ZFYVE9: variants seen among roughly 807,000 people sequenced by gnomAD.
ZFYVE9 encodes the protein zinc finger FYVE domain-containing protein 9.
ZFYVE9 carries 43 observed loss-of-function variants against 126.7 expected under a neutral mutation model. The observed-to-expected ratio is 0.34, with a 90% CI of 0.27 to 0.44. The LOEUF (loss-of-function observed/expected upper bound fraction) is 0.44, where lower values mean the gene tolerates loss of function less well. Among genes scored for constraint, ZFYVE9 ranks in the 20% least tolerant of loss-of-function variants. The probability of loss-of-function intolerance (pLI) is 1.00; values close to 1 mark genes in which losing one functional copy is unlikely to be tolerated. For missense variants in ZFYVE9, 1,476 were observed against 1,697.0 expected, an observed-to-expected ratio of 0.87 and a Z score of 2.29; for synonymous variants, 521 against 597.4, an observed-to-expected ratio of 0.87 and a Z score of 1.87.
intron 1 of ZFYVE9, among the ~76,000 whole-genome samples, chr1:52,206,041 T>C (rs2124578115): frequency 6.6e-6 from 1 of 152,334 alleles, no homozygotes; most frequent in African/African-American, 2.4e-5. Context: ...TATCATACTA[T>C]TGGGATATAT....
At chr1:52,268,386 G>T in intron 6 of ZFYVE9, 77 bp from the exon 7 acceptor site, 2 of 1,463,142 alleles carry the variant, frequency 1.4e-6, no homozygotes, top group Non-Finnish European at 1.9e-6. Flanking sequence ...TCTGGAATTG[G>T]TGACCTTCTC....
rs1178407261 is a variant in ZFYVE9 at position 52,239,219 on chromosome 1, A to C, written c.1802A>C (p.Asn601Thr). Reference protein sequence around the residue: ...IPKPLSDHLQNDFPANSGNNT... With the variant: ...IPKPLSDHLQTDFPANSGNNT... ...AAGCCATTATCAGACCATTTACAAA[A>C]TGACTTTCCTGCAAACAGTGGAAAT... Residue 601 changes from asparagine to threonine, a missense_variant, in exon 4 of 19, where the codon AAT becomes ACT. Asn to Thr is a moderately conservative substitution (Grantham distance 65). Coordinates refer to ENST00000287727, the MANE Select transcript of ZFYVE9 (RefSeq NM_004799.4). The C allele has an allele frequency of 1.2e-6, 2 of 1,614,052 alleles. No individual in the cohort carries two copies. The highest frequency in any genetic ancestry group is 4.5e-5 in the East Asian group (2 of 44,894).
At chr1:52,261,970 A>G (rs1292651991) in intron 4 of ZFYVE9, among the ~76,000 whole-genome samples, 3 of 152,228 alleles carry the variant, frequency 2.0e-5, no homozygotes, top group African/African-American at 7.2e-5. Flanking sequence ...ATACAGATTA[A>G]TCATGTAATT....
At chr1:52,198,478 A>G (rs1438667409) in intron 1 of ZFYVE9, among the ~76,000 whole-genome samples, 2 of 152,146 alleles carry the variant, frequency 1.3e-5, no homozygotes, top group African/African-American at 4.8e-5. Flanking sequence ...GAGACAATTC[A>G]GGTTATGTTC....
In ZFYVE9 at chr1:52,157,075, G is replaced by A. The variant is rs572762856; in HGVS notation, c.-143+14672G>A. ...TCTTGATCTCCTGACCTCGTGATCC[G>A]CCTGCCTCGGCCTCCGAAAGTGCTG... On this transcript the variant is annotated intron_variant, in intron 1 of 18. Transcript: ENST00000287727. Among the ~76,000 whole-genome samples the A allele has an allele frequency of 4.6e-5, 7 of 152,096 alleles. No individual in the cohort carries two copies. In the South Asian group the frequency reaches 1.0e-3, roughly 23 times the overall value.
intron 1 of ZFYVE9, among the ~76,000 whole-genome samples, chr1:52,164,564 A>C (rs1644494972): frequency 2.0e-5 from 3 of 151,862 alleles, no homozygotes; most frequent in African/African-American, 4.9e-5. Flanking sequence ...ATCTGTTTGC[A>C]CCGAGCCAAC....
intron 7 of ZFYVE9, among the ~76,000 whole-genome samples, chr1:52,271,926 G>A (rs1050849328): frequency 4.6e-5 from 7 of 152,116 alleles, no homozygotes; most frequent in Admixed American, 2.6e-4. Flanking sequence ...TGCAACCTCC[G>A]CCTCCTGGGC....
At chr1:52,186,147 G>A (rs1367506069) in intron 1 of ZFYVE9, among the ~76,000 whole-genome samples, 1 of 151,482 alleles carries the variant, frequency 6.6e-6, no homozygotes, top group Non-Finnish European at 1.5e-5. Flanking sequence ...GCCTGAGGCA[G>A]GAGAATTGCT....
At chr1:52,152,630 C>G (rs1644367700) in intron 1 of ZFYVE9, among the ~76,000 whole-genome samples, 3 of 152,188 alleles carry the variant, frequency 2.0e-5, no homozygotes, top group Admixed American at 2.0e-4. Flanking sequence ...TCCTGTCTCT[C>G]CCAGCATAGT....
Position 52,319,065 on chromosome 1 carries a change from T to C in ZFYVE9, c.3439-13703T>C, listed in dbSNP as rs1167493136. Among the ~76,000 whole-genome samples, 3 of 152,050 alleles carry C rather than the reference T, an allele frequency of 2.0e-5. No individual in the cohort carries two copies. In the East Asian group the frequency reaches 5.8e-4, roughly 29 times the overall value. ...TGAGCTGAGATTGTGTCACTGCACT[T>C]CACTCTGGGTGACAGAGTGTGACCC... is the stretch of plus-strand genomic sequence containing the variant. On this transcript the variant is annotated intron_variant, in intron 13 of 18. Transcript: ENST00000287727.
chr1:52,234,140 G>GT (rs1645250832), intron 3 of ZFYVE9, among the ~76,000 whole-genome samples: 1 of 152,192 alleles, frequency 6.6e-6, no homozygotes, highest in South Asian at 2.1e-4. Flanking sequence ...TTTAACTTGA[G>GT]TGGGTAAGCC....
intron 1 of ZFYVE9, among the ~76,000 whole-genome samples, chr1:52,183,711 G>T (rs1389602727): frequency 6.6e-6 from 1 of 152,142 alleles, no homozygotes; most frequent in East Asian, 1.9e-4. Context: ...TCACCATGTT[G>T]CCCAGGCTGG....
rs556699248 is a variant in ZFYVE9, at chr1:52,329,913, CA to C, written c.3439-2846del. 2.5e-3 allele frequency among the ~76,000 whole-genome samples: 379 copies of C among 150,862 alleles called. 1 individual carries two copies. The highest frequency in any genetic ancestry group is 4.4e-3 in the Non-Finnish European group (295 of 67,588). ...GAGCGAGACTGTCTCAAAAACAAAA[CA>C]AAAAAAAATTCTTCCGTGTCAACAG... On this transcript the variant is annotated intron_variant, in intron 13 of 18. Coordinates refer to ENST00000287727, the MANE Select transcript of ZFYVE9 (RefSeq NM_004799.4).
rs1475285709 is a variant in ZFYVE9 at position 52,179,810 on chromosome 1, TA to T, written c.-142-36558del. 12 of 582,984 alleles carry T rather than the reference TA, an allele frequency of 2.1e-5. 1 individual carries two copies. The highest frequency in any genetic ancestry group is 7.5e-5 in the African/African-American group (4 of 53,290). The allele number at this position is 582,984 out of a possible 1,614,324, so 36.1% of individuals were successfully genotyped here. On this transcript the variant is annotated intron_variant, in intron 1 of 18. Coordinates refer to ENST00000287727, the MANE Select transcript of ZFYVE9 (RefSeq NM_004799.4). ...AATAAAAAGGATTTAAAGTGTCTAT[TA>T]GGGGGCACAGCTGGCTTCAGCAATT...
chr1:52,185,474 A>G (rs146835518), intron 1 of ZFYVE9, among the ~76,000 whole-genome samples: 261 of 152,348 alleles, frequency 1.7e-3, no homozygotes, highest in African/African-American at 5.7e-3. Flanking sequence ...CTAAAATTCT[A>G]TTGCTTAGCT....
At chr1:52,199,398 CT>C (rs1450817127) in intron 1 of ZFYVE9, among the ~76,000 whole-genome samples, 2 of 152,196 alleles carry the variant, frequency 1.3e-5, no homozygotes, top group Non-Finnish European at 2.9e-5. Flanking sequence ...GTAGTTTCGA[CT>C]TTTCCAGAAC....
chr1:52,145,282 TC>T (rs1644296420), intron 1 of ZFYVE9, among the ~76,000 whole-genome samples: 1 of 152,204 alleles, frequency 6.6e-6, no homozygotes, highest in Non-Finnish European at 1.5e-5. Context: ...AGATGATAAT[TC>T]CTTCCTCTGT....
At chr1:52,343,272 C>T (rs1220450914) in intron 17 of ZFYVE9, among the ~76,000 whole-genome samples, 1 of 151,616 alleles carries the variant, frequency 6.6e-6, no homozygotes, top group Admixed American at 6.6e-5. Context: ...ATGGTGAAAC[C>T]CCATCTCTAC....
In ZFYVE9 at chr1:52,263,823, C is replaced by T; in HGVS notation, c.2229C>T (p.Asp743=). The change falls in exon 5 of 19, where the codon GAC becomes GAT. Residue 743 remains aspartate, a synonymous_variant. Transcript: ENST00000287727. Reference sequence around the variant, plus strand: ...TGAAATGTAAACTGTTATACATGGACAGAAAGGAAGCTAGAGTGTGTGTAA... The same window carrying T: ...TGAAATGTAAACTGTTATACATGGATAGAAAGGAAGCTAGAGTGTGTGTAA... ...CSLKCKLLYM[D]RKEARVCVIC... The T allele has an allele frequency of 1.4e-6, 2 of 1,456,252 alleles. No homozygotes were observed. The highest frequency in any genetic ancestry group is 1.8e-6 in the Non-Finnish European group (2 of 1,085,424). 90.2% of individuals were successfully genotyped at this position (1,456,252 alleles called of 1,614,324 possible). A position where few individuals can be genotyped will look rare whatever the true frequency, so the allele number is the denominator to read the frequency against.
Sources: gnomAD v4.1 joint callset for allele counts (sites outside exome capture counted in the v4.1 genomes callset) on GRCh38, gnomAD v4.1.1 for gene constraint, MANE v1.5 for transcripts, NCBI Gene and HGNC (gene_info 2026-07-23, HGNC 2026-07-21) for gene names.